CNTNAP2: variants seen among roughly 807,000 people sequenced by gnomAD.
CNTNAP2 encodes contactin associated protein 2.
A neutral mutation model predicts 155.2 loss-of-function variants in CNTNAP2; 98 were observed. The observed-to-expected ratio is 0.63, with a 90% CI of 0.54 to 0.75. CNTNAP2 has a LOEUF of 0.75. Ranked by LOEUF, CNTNAP2 falls within the 30% of genes least tolerant of loss-of-function variation. CNTNAP2 has a pLI of 0.00. For missense variants in CNTNAP2, 1,727 were observed against 1,688.1 expected (o/e 1.02, Z -0.40); for synonymous variants, 651 against 631.2 (o/e 1.03, Z -0.47).
At chr7:147,416,424 T>G (rs1797194785) in intron 10 of CNTNAP2, among the ~76,000 whole-genome samples, 1 of 152,178 alleles carries the variant, frequency 6.6e-6, no homozygotes, top group Non-Finnish European at 1.5e-5. Flanking sequence ...AAGTTCCTTT[T>G]TTTGTGAGTG....
At chr7:147,920,202 A>C (rs1800247147) in intron 14 of CNTNAP2, among the ~76,000 whole-genome samples, 1 of 151,830 alleles carries the variant, frequency 6.6e-6, no homozygotes, top group African/African-American at 2.4e-5. Flanking sequence ...CTAAAAATAC[A>C]AAAATTAGCT....
At chr7:147,826,597 A>C (rs1798454407) in intron 13 of CNTNAP2, among the ~76,000 whole-genome samples, 1 of 152,198 alleles carries the variant, frequency 6.6e-6, no homozygotes, top group African/African-American at 2.4e-5. Flanking sequence ...TAAAACAGCT[A>C]TTTGGCATTT....
At chr7:148,390,987 AG>A (rs1243322279) in intron 22 of CNTNAP2, among the ~76,000 whole-genome samples, 1 of 152,232 alleles carries the variant, frequency 6.6e-6, no homozygotes, top group Non-Finnish European at 1.5e-5. Context: ...GGAAGCAAAT[AG>A]ACATGGCCTC....
intron 1 of CNTNAP2, among the ~76,000 whole-genome samples, chr7:146,134,826 A>C (rs1797773125): frequency 6.6e-6 from 1 of 151,744 alleles, no homozygotes; most frequent in African/African-American, 2.4e-5. Context: ...TATTTTATTG[A>C]GGATTTTTGC....
chr7:147,752,759 G>A (rs1446150847), intron 13 of CNTNAP2, among the ~76,000 whole-genome samples: 1 of 152,014 alleles, frequency 6.6e-6, no homozygotes, highest in Non-Finnish European at 1.5e-5. Context: ...ACATTTCCTG[G>A]GATCAAATTA....
In CNTNAP2 at chr7:147,395,726, G is replaced by A; in HGVS notation, c.1616G>A (p.Arg539Lys). ...QLVNLYEVAQ[R>K]KPGSFANVSI... Reference sequence around the variant, plus strand: ...GTAAATTTATACGAAGTGGCACAAAGGAAGCCGGGAAGTTTCGCGAATGTC... The same window carrying A: ...GTAAATTTATACGAAGTGGCACAAAAGAAGCCGGGAAGTTTCGCGAATGTC... The change falls in exon 10 of 24, where the codon AGG becomes AAG. Residue 539 changes from arginine (R) to lysine (K), a missense_variant. Coordinates refer to ENST00000361727, the MANE Select transcript of CNTNAP2 (RefSeq NM_014141.6). 1 of 1,612,558 alleles carries A rather than the reference G, an allele frequency of 6.2e-7. No individual in the cohort carries two copies. Among genetic ancestry groups the A allele is most frequent in the Non-Finnish European group, 8.5e-7 (1 of 1,178,902 alleles).
intron 3 of CNTNAP2, among the ~76,000 whole-genome samples, chr7:147,009,991 C>T (rs58507675): frequency 0.37 from 55,785 of 149,710 alleles, 10,589 homozygotes; most frequent in South Asian, 0.43. Flanking sequence ...ACACACCAGG[C>T]GTCTATATCT....
intron 15 of CNTNAP2, among the ~76,000 whole-genome samples, chr7:148,010,262 A>G (rs1014718542): frequency 3.3e-5 from 5 of 151,608 alleles, no homozygotes; most frequent in Non-Finnish European, 7.4e-5. Context: ...CCAAATATTA[A>G]TGTTTATAAT....
chr7:147,436,945 C>T (rs868178438), intron 10 of CNTNAP2, among the ~76,000 whole-genome samples: 12 of 152,140 alleles, frequency 7.9e-5, no homozygotes, highest in Middle Eastern at 3.4e-3. Context: ...ACATCTCAAT[C>T]GGGCAAAGAA....
At chr7:146,365,615 T>C (rs1173964426) in intron 1 of CNTNAP2, among the ~76,000 whole-genome samples, 2 of 152,212 alleles carry the variant, frequency 1.3e-5, no homozygotes, top group African/African-American at 4.8e-5. Flanking sequence ...AGGTTTGTGA[T>C]TTTATAAAAC....
chr7:147,315,428 G>GCAACCACGA (rs1419048748), intron 9 of CNTNAP2, among the ~76,000 whole-genome samples: 5 of 148,644 alleles, frequency 3.4e-5, no homozygotes, highest in African/African-American at 1.2e-4. Context: ...GGCAACCACG[G>GCAACCACGA]CAACCACGAA....
At chr7:147,627,931 A>ACG (rs1332913808) in intron 12 of CNTNAP2, among the ~76,000 whole-genome samples, 6 of 132,122 alleles carry the variant, frequency 4.5e-5, no homozygotes, top group African/African-American at 1.7e-4. Context: ...AGACAAAGAC[A>ACG]AGAAAAAAAA....
At chr7:146,737,183 T>C (rs923747324) in intron 1 of CNTNAP2, among the ~76,000 whole-genome samples, 2 of 152,158 alleles carry the variant, frequency 1.3e-5, no homozygotes, top group African/African-American at 4.8e-5. Flanking sequence ...AATGTATTTA[T>C]TGTGTACAAC....
chr7:146,329,244 T>C (rs572901520), intron 1 of CNTNAP2, among the ~76,000 whole-genome samples: 1 of 152,332 alleles, frequency 6.6e-6, no homozygotes, highest in African/African-American at 2.4e-5. Flanking sequence ...TGATGATTAA[T>C]AACAAGACAT....
chr7:147,522,774 A>T (rs1479902171), intron 11 of CNTNAP2, among the ~76,000 whole-genome samples: 2 of 150,394 alleles, frequency 1.3e-5, no homozygotes, highest in African/African-American at 2.5e-5. Flanking sequence ...CCAGCAAAAA[A>T]AAAACAAAAA....
chr7:146,398,618 A>G lies in CNTNAP2; in HGVS notation c.97+281645A>G, dbSNP rs1339743014. 2.0e-5 allele frequency among the ~76,000 whole-genome samples: 3 copies of G among 152,212 alleles called. No homozygotes were observed. The East Asian group carries it at 5.8e-4, about 29-fold the overall frequency. On this transcript the variant is annotated intron_variant, in intron 1 of 23. Coordinates refer to ENST00000361727, the MANE Select transcript of CNTNAP2 (RefSeq NM_014141.6). ...TCATGAAGCTAAACACTTCTTTGATAAACATCTAGAAGGTGAGAAGTAGCT... is the reference window on the plus strand; with the variant it reads ...TCATGAAGCTAAACACTTCTTTGATGAACATCTAGAAGGTGAGAAGTAGCT...
intron 8 of CNTNAP2, among the ~76,000 whole-genome samples, chr7:147,189,026 A>G (rs937049933): frequency 1.3e-5 from 2 of 152,304 alleles, no homozygotes; most frequent in African/African-American, 4.8e-5. Context: ...TTTGCACAGA[A>G]TTCCCTGCAG....
intron 3 of CNTNAP2, among the ~76,000 whole-genome samples, chr7:147,019,367 G>A (rs921686956): frequency 7.9e-5 from 12 of 151,778 alleles, no homozygotes. Context: ...TATGATATAC[G>A]ACATTTTTCT....
At chr7:146,219,786 C>T (rs1474619504) in intron 1 of CNTNAP2, among the ~76,000 whole-genome samples, 1 of 152,148 alleles carries the variant, frequency 6.6e-6, no homozygotes, top group African/African-American at 2.4e-5. Context: ...CTGATGGCAG[C>T]ATCTGTGATT....
Sources: allele counts gnomAD v4.1 joint callset (sites outside exome capture counted in the v4.1 genomes callset), GRCh38; gene constraint gnomAD v4.1.1; transcripts MANE v1.5; gene names NCBI Gene and HGNC (gene_info 2026-07-23, HGNC 2026-07-21).